Variants in UBE2C observed in about 807,000 individuals in gnomAD.
UBE2C encodes ubiquitin-conjugating enzyme E2 C.
A neutral mutation model predicts 23.5 loss-of-function variants in UBE2C; 16 were observed. The ratio of observed to expected loss-of-function variants is 0.68; its 90% CI spans 0.46 to 1.03. The LOEUF is 1.03. UBE2C is among the 50% of genes least tolerant of loss of function. UBE2C has a pLI of 0.00. For missense variants in UBE2C, 192 were observed against 227.6 expected, an observed-to-expected ratio of 0.84 and a Z score of 1.01; for synonymous variants, 76 against 91.6, an observed-to-expected ratio of 0.83 and a Z score of 0.97.
At chr20:45,814,914 C>G (rs1028432218) in intron 3 of UBE2C, among the ~76,000 whole-genome samples, 6 of 150,354 alleles carry the variant, frequency 4.0e-5, no homozygotes, top group African/African-American at 1.5e-4. Flanking sequence ...TCTCGGCTCA[C>G]TGCAAGCTCC....
Position 45,812,738 on chromosome 20 carries a change from G to A in UBE2C, c.43G>A (p.Ala15Thr), listed in dbSNP as rs1392036860. The change falls in exon 1 of 6, where the codon GCC becomes ACC. Residue 15 changes from alanine to threonine, a missense_variant. Coordinates refer to ENST00000356455, the MANE Select transcript of UBE2C (RefSeq NM_007019.4). ...CGACCCAGCCGCCACTAGCGTCGCC[G>A]CCGCCCGTAAAGGAGCTGAGCCGAG... ...NRDPAATSVAAARKGAEPSGG... is the reference protein window; with the variant it reads ...NRDPAATSVATARKGAEPSGG... 1.3e-6 allele frequency: 2 copies of A among 1,555,022 alleles called. No homozygotes were observed. The highest frequency in any genetic ancestry group is 1.4e-5 in the African/African-American group (1 of 73,252).
In UBE2C at chr20:45,812,811, C is replaced by CT. The variant is rs1982041108; in HGVS notation, c.101+16dup. ...GTGGGCAAAAGGTGAGTGATGCGGC[C>CT]TACCACTCGCCGGGCCTGCCATGCC... On this transcript the variant is annotated intron_variant, in intron 1 of 5. Coordinates refer to ENST00000356455, the MANE Select transcript of UBE2C (RefSeq NM_007019.4). The CT allele has an allele frequency of 6.5e-7, 1 of 1,549,576 alleles. No individual in the cohort carries two copies. The highest frequency in any genetic ancestry group is 1.4e-5 in the African/African-American group (1 of 73,122).
chr20:45,816,280 C>A (rs1160296211), intron 5 of UBE2C, among the ~76,000 whole-genome samples: 1 of 152,146 alleles, frequency 6.6e-6, no homozygotes, highest in Non-Finnish European at 1.5e-5. Flanking sequence ...GGCTGGGAAA[C>A]CAGCCCCTCC....
intron 5 of UBE2C, 70 bp downstream of exon 5, chr20:45,815,983 A>T (rs1010906994): frequency 2.6e-6 from 4 of 1,558,034 alleles, no homozygotes; most frequent in South Asian, 1.2e-5. Context: ...AAACAAAAGG[A>T]GCCCAGTGAC....
At position 45,812,769 on chromosome 20, in the gene UBE2C, G is replaced by C; in HGVS notation, c.74G>C (p.Gly25Ala). ...AARKGAEPSGGAARGPVGKRL... is the reference protein window; with the variant it reads ...AARKGAEPSGAAARGPVGKRL... ...CGTAAAGGAGCTGAGCCGAGCGGGG[G>C]CGCCGCCCGGGGTCCGGTGGGCAAA... is the stretch of plus-strand genomic sequence containing the variant. The change falls in exon 1 of 6, where the codon GGC (glycine) becomes GCC (alanine). Residue 25 changes from glycine (G) to alanine (A), a missense_variant. Transcript: ENST00000356455. 1.9e-6 allele frequency: 3 copies of C among 1,557,094 alleles called. No homozygotes were observed. Among genetic ancestry groups the C allele is most frequent in the East Asian group, 2.4e-5 (1 of 41,656 alleles).
rs547850953 is a variant in UBE2C, at chr20:45,815,558, G to C, written c.234G>C (p.Arg78Ser). 16 of 1,614,050 alleles carry C rather than the reference G, an allele frequency of 9.9e-6. No individual in the cohort carries two copies. The highest frequency in any genetic ancestry group is 1.3e-5 in the Non-Finnish European group (15 of 1,179,994). ...GAAGTVYEDL[R>S]YKLSLEFPSG... ...AATGCCAGGTATATGAAGACCTGAG[G>C]TATAAGCTCTCGCTAGAGTTCCCCA... The change falls in exon 4 of 6, where the codon AGG (arginine) becomes AGC (serine). Residue 78 changes from arginine (R) to serine (S), a missense_variant. By Grantham distance (110) the Arg-to-Ser change is moderately radical. Transcript: ENST00000356455.
rs976266522 is a variant in UBE2C at position 45,815,614 on chromosome 20, A to G, written c.290A>G (p.Lys97Arg). The change falls in exon 4 of 6, where the codon AAG (lysine) becomes AGG (arginine). Residue 97 changes from lysine to arginine, a missense_variant. Lys to Arg is a conservative substitution (Grantham distance 26). Transcript: ENST00000356455. ...TACCCTTACAATGCGCCCACAGTGA[A>G]GTTCCTCACGCCCTGCTATCACCCC... ...SGYPYNAPTV[K>R]FLTPCYHPNV... 1.2e-6 allele frequency: 2 copies of G among 1,613,980 alleles called. No homozygotes were observed. The highest frequency in any genetic ancestry group is 1.7e-6 in the Non-Finnish European group (2 of 1,180,024).
chr20:45,813,360 T>C lies in UBE2C; in HGVS notation c.102-77T>C, dbSNP rs577918892. 1.9e-6 allele frequency: 3 copies of C among 1,612,400 alleles called. No individual in the cohort carries two copies. The East Asian group carries it at 6.7e-5, about 36-fold the overall frequency. On this transcript the variant is annotated intron_variant, in intron 1 of 5. Transcript: ENST00000356455. ...CCTCCATGACGGCTCCCCCTGAGATTCAGGTGGGAGAAGATGCACCGTCTG... is the reference window on the plus strand; with the variant it reads ...CCTCCATGACGGCTCCCCCTGAGATCCAGGTGGGAGAAGATGCACCGTCTG...
chr20:45,814,160 ATG>A (rs1982230511), intron 2 of UBE2C, among the ~76,000 whole-genome samples: 1 of 148,894 alleles, frequency 6.7e-6, no homozygotes, highest in African/African-American at 2.5e-5. Flanking sequence ...ATATATATAT[ATG>A]TAAATATATA....
In UBE2C at chr20:45,815,835, T is replaced by G. The variant is rs778616483; in HGVS notation, c.422-19T>G. ...AGCCTCTTCTACCGCCTTGACCTTCTCTTTCTCTCCACCCACAGAACCCAA... is the reference window on the plus strand; with the variant it reads ...AGCCTCTTCTACCGCCTTGACCTTCGCTTTCTCTCCACCCACAGAACCCAA... On this transcript the variant is annotated intron_variant, in intron 4 of 5. Transcript: ENST00000356455. 9 of 1,614,062 alleles carry G rather than the reference T, an allele frequency of 5.6e-6. No individual in the cohort carries two copies. In the South Asian group the frequency reaches 9.9e-5, roughly 18 times the overall value.
rs1319994180 is a variant in UBE2C, at chr20:45,814,453, C to T, written c.199C>T (p.His67Tyr). 5.0e-6 allele frequency: 8 copies of T among 1,609,418 alleles called. No individual in the cohort carries two copies. The highest frequency in any genetic ancestry group is 6.8e-6 in the Non-Finnish European group (8 of 1,177,482). Residue 67 changes from histidine (H) to tyrosine (Y), a missense_variant, in exon 3 of 6, where the codon CAT (histidine) becomes TAT (tyrosine). Coordinates refer to ENST00000356455, the MANE Select transcript of UBE2C (RefSeq NM_007019.4). ...DNLFKWVGTI[H>Y]GAAGTVYEDL... ...CCTTTTCAAATGGGTAGGGACCATC[C>T]ATGGAGCAGCTGGAACAGTAAGTGT...
At chr20:45,812,881 G>C in intron 1 of UBE2C, 85 bp downstream of exon 1, 2 of 1,463,720 alleles carry the variant, frequency 1.4e-6, no homozygotes, top group South Asian at 2.8e-5. Context: ...ACCACCCCCC[G>C]CCGCCACCTC....
intron 1 of UBE2C, 88 bp from the exon 2 acceptor site, chr20:45,813,349 C>A: frequency 1.9e-6 from 3 of 1,611,286 alleles, no homozygotes; most frequent in Non-Finnish European, 1.7e-6. Context: ...CATGACGGCT[C>A]CCCCTGAGAT....
rs1555817446 is a variant in UBE2C at position 45,814,146 on chromosome 20, C to CTA, written c.130-224_130-223dup. ...TCTCTCAATCTCTCTCTCTCTCTCT[C>CTA]TATATATATATATATGTAAATATAT... is the stretch of plus-strand genomic sequence containing the variant. On this transcript the variant is annotated intron_variant, in intron 2 of 5. Coordinates refer to ENST00000356455, the MANE Select transcript of UBE2C (RefSeq NM_007019.4). Among the ~76,000 whole-genome samples, 585 of 133,924 alleles carry CTA rather than the reference C, an allele frequency of 4.4e-3. 3 individuals carry two copies. Among genetic ancestry groups the CTA allele is most frequent in the East Asian group, 0.017 (84 of 4,974 alleles). 87.9% of individuals were successfully genotyped at this position (133,924 alleles called of 152,430 possible). A position where few individuals can be genotyped will look rare whatever the true frequency, so the allele number is the denominator to read the frequency against.
intron 2 of UBE2C, among the ~76,000 whole-genome samples, chr20:45,814,084 CAG>C (rs1299577735): frequency 1.3e-5 from 2 of 151,002 alleles, no homozygotes; most frequent in African/African-American, 2.4e-5. Flanking sequence ...GCCTGGGCGA[CAG>C]AGTGTGTGTG....
At chr20:45,814,960 T>C (rs867151794) in intron 3 of UBE2C, among the ~76,000 whole-genome samples, 2,533 of 150,698 alleles carry the variant, frequency 0.017, 74 homozygotes, top group African/African-American at 0.059. Context: ...TGCCTCAGCC[T>C]CCGAGTAGCT....
rs763411603 is a variant in UBE2C at position 45,816,692 on chromosome 20, T to C, written c.482-17T>C. On this transcript the variant is annotated splice_polypyrimidine_tract_variant and intron_variant, in intron 5 of 5. Coordinates refer to ENST00000356455, the MANE Select transcript of UBE2C (RefSeq NM_007019.4). ...CCTGTCTCCATCACTCACTGAGACC[T>C]GCCTGTTCTCTTCCAGCTTTTAAGA... 9.3e-6 allele frequency: 15 copies of C among 1,612,384 alleles called. No individual in the cohort carries two copies. The South Asian group carries it at 1.7e-4, about 18-fold the overall frequency.
chr20:45,813,496 TC>T (rs1444693752), intron 2 of UBE2C, 32 bp downstream of exon 2: 1 of 1,614,034 alleles, frequency 6.2e-7, no homozygotes, highest in East Asian at 2.2e-5. Context: ...ACCCCAGCCT[TC>T]CATCCAATTT....
At chr20:45,815,312 A>G in intron 3 of UBE2C, 1 of 1,447,792 alleles carries the variant, frequency 6.9e-7, no homozygotes, top group Non-Finnish European at 9.3e-7. Flanking sequence ...TGAGCCCAGG[A>G]GTTTGAGACT....
Sources: allele counts gnomAD v4.1 joint callset (sites outside exome capture counted in the v4.1 genomes callset), GRCh38; gene constraint gnomAD v4.1.1; transcripts MANE v1.5; gene names NCBI Gene and HGNC (gene_info 2026-07-23, HGNC 2026-07-21).